EFL1: variants seen among roughly 807,000 people sequenced by gnomAD.
EFL1 encodes the protein elongation factor-like GTPase 1.
A neutral mutation model predicts 126.7 loss-of-function variants in EFL1; 76 were observed. The observed-to-expected ratio is 0.60, with a 90% CI of 0.50 to 0.73. The LOEUF is 0.73. EFL1 is among the 30% of genes least tolerant of loss of function. EFL1 has a pLI of 0.00. For synonymous variants in EFL1, 410 were observed against 448.4 expected (o/e 0.91, Z 1.08); for missense variants, 1,128 against 1,343.2 (o/e 0.84, Z 2.50).
chr15:82,196,399 T>A (rs576018840), intron 15 of EFL1, among the ~76,000 whole-genome samples: 17 of 152,364 alleles, frequency 1.1e-4, no homozygotes, highest in Non-Finnish European at 2.1e-4. Flanking sequence ...AAGGGTTCTA[T>A]ATGCAGAGTA....
At chr15:82,181,975 T>C (rs1192201450) in intron 15 of EFL1, among the ~76,000 whole-genome samples, 1 of 152,192 alleles carries the variant, frequency 6.6e-6, no homozygotes, top group Non-Finnish European at 1.5e-5. Flanking sequence ...AAAAATCAGC[T>C]GTGGCTGGGC....
chr15:82,139,408 T>C (rs913402678), intron 18 of EFL1, among the ~76,000 whole-genome samples: 1 of 152,206 alleles, frequency 6.6e-6, no homozygotes, highest in Non-Finnish European at 1.5e-5. Context: ...TGAAAACTGA[T>C]AGGTTTGGAA....
intron 16 of EFL1, among the ~76,000 whole-genome samples, chr15:82,162,087 G>T (rs865901782): frequency 6.6e-6 from 1 of 152,174 alleles, no homozygotes; most frequent in Non-Finnish European, 1.5e-5. Flanking sequence ...GGACCAGTCT[G>T]GGTGACATGG....
intron 15 of EFL1, among the ~76,000 whole-genome samples, chr15:82,169,287 T>G (rs1280736185): frequency 6.6e-6 from 1 of 152,130 alleles, no homozygotes; most frequent in Non-Finnish European, 1.5e-5. Context: ...CTACCCACAC[T>G]CACAACTGTA....
intron 18 of EFL1, among the ~76,000 whole-genome samples, chr15:82,143,880 T>C (rs947941535): frequency 6.6e-6 from 1 of 152,116 alleles, no homozygotes; most frequent in Non-Finnish European, 1.5e-5. Context: ...TTTTTTTATT[T>C]TTTAGATAGA....
At chr15:82,245,131 C>T (rs1249255145) in intron 4 of EFL1, among the ~76,000 whole-genome samples, 3 of 152,048 alleles carry the variant, frequency 2.0e-5, no homozygotes, top group Non-Finnish European at 4.4e-5. Flanking sequence ...AGTCTCCCTC[C>T]ACAGGAAATA....
intron 16 of EFL1, among the ~76,000 whole-genome samples, chr15:82,162,688 A>C (rs750056046): frequency 6.6e-6 from 1 of 152,230 alleles, no homozygotes; most frequent in Non-Finnish European, 1.5e-5. Flanking sequence ...ATGGCTATTT[A>C]CTAGGGCTGG....
intron 15 of EFL1, among the ~76,000 whole-genome samples, chr15:82,213,847 C>A (rs2074614120): frequency 6.6e-6 from 1 of 152,144 alleles, no homozygotes; most frequent in Non-Finnish European, 1.5e-5. Context: ...AAGCATTCTA[C>A]AAATTTCATG....
intron 18 of EFL1, 96 bp from the exon 19 acceptor site, chr15:82,138,938 A>C: frequency 1.7e-6 from 2 of 1,150,388 alleles, no homozygotes; most frequent in Non-Finnish European, 2.4e-6. Context: ...CAATCCATAA[A>C]TGATTAAATT....
At chr15:82,155,360 G>A (rs1161997745) in intron 17 of EFL1, among the ~76,000 whole-genome samples, 1 of 152,192 alleles carries the variant, frequency 6.6e-6, no homozygotes, top group African/African-American at 2.4e-5. Context: ...AAGTTAGCTG[G>A]GCGTGGTGGC....
At chr15:82,190,683 T>TA (rs2074350127) in intron 15 of EFL1, among the ~76,000 whole-genome samples, 2 of 152,188 alleles carry the variant, frequency 1.3e-5, no homozygotes, top group African/African-American at 4.8e-5. Flanking sequence ...AGAATCACAA[T>TA]AAGGGATTTT....
chr15:82,148,425 G>C (rs1479200516), intron 18 of EFL1, among the ~76,000 whole-genome samples: 1 of 151,354 alleles, frequency 6.6e-6, no homozygotes, highest in Non-Finnish European at 1.5e-5. Context: ...TTGGGATTTT[G>C]GATTTTCAGA....
At chr15:82,180,423 A>G (rs748818146) in intron 15 of EFL1, among the ~76,000 whole-genome samples, 17 of 151,750 alleles carry the variant, frequency 1.1e-4, no homozygotes, top group Non-Finnish European at 1.8e-4. Flanking sequence ...ACAATAAAAT[A>G]TAGTGATTAT....
intron 18 of EFL1, among the ~76,000 whole-genome samples, chr15:82,143,456 C>T (rs1165424323): frequency 6.6e-6 from 1 of 152,158 alleles, no homozygotes; most frequent in Non-Finnish European, 1.5e-5. Context: ...TATGCACTAA[C>T]TTTAATTAAA....
At position 82,238,427 on chromosome 15, in the gene EFL1, T is replaced by C; in HGVS notation, c.611A>G (p.Gln204Arg). The C allele has an allele frequency of 1.2e-6, 2 of 1,614,208 alleles. No individual in the cohort carries two copies. Among genetic ancestry groups the C allele is most frequent in the Non-Finnish European group, 8.5e-7 (1 of 1,180,034 alleles). Residue 204 changes from glutamine to arginine, a missense_variant, in exon 7 of 20, where the codon CAA (glutamine) becomes CGA (arginine). Coordinates refer to ENST00000268206, the MANE Select transcript of EFL1 (RefSeq NM_024580.6). ...TESQVNPNSE[Q>R]GEQVYDWSTG... ...GCTCCAGTCATATACTTGCTCTCCT[T>C]GTTCAGAATTTGGATTCACTTGGGA...
intron 16 of EFL1, among the ~76,000 whole-genome samples, chr15:82,163,075 C>A (rs897075654): frequency 9.9e-5 from 15 of 152,260 alleles, no homozygotes; most frequent in African/African-American, 3.1e-4. Flanking sequence ...ATTATATGGT[C>A]AGGTATATGT....
At chr15:82,204,453 C>T (rs1361485559) in intron 15 of EFL1, among the ~76,000 whole-genome samples, 1 of 152,046 alleles carries the variant, frequency 6.6e-6, no homozygotes, top group Non-Finnish European at 1.5e-5. Context: ...CAGACTATAT[C>T]AATTTATGGG....
intron 15 of EFL1, among the ~76,000 whole-genome samples, chr15:82,189,154 T>C (rs1034543304): frequency 5.9e-5 from 9 of 152,196 alleles, no homozygotes; most frequent in East Asian, 5.8e-4. Context: ...CCGAGTACTA[T>C]ACACAATTTT....
intron 18 of EFL1, among the ~76,000 whole-genome samples, chr15:82,144,717 T>C (rs2073824293): frequency 6.6e-6 from 1 of 152,094 alleles, no homozygotes; most frequent in Non-Finnish European, 1.5e-5. Context: ...GTTTAAAGGC[T>C]AGGCGGGTGG....
Sources: allele counts gnomAD v4.1 joint callset (sites outside exome capture counted in the v4.1 genomes callset), GRCh38; gene constraint gnomAD v4.1.1; transcripts MANE v1.5; gene names NCBI Gene and HGNC (gene_info 2026-07-23, HGNC 2026-07-21).